FBXW7: variants seen among roughly 807,000 people sequenced by gnomAD.
The protein encoded by FBXW7 is F-box and WD repeat domain containing 7.
FBXW7 carries 11 observed loss-of-function variants against 86.3 expected under a neutral mutation model. That is an observed-to-expected ratio of 0.13 (90% CI 0.08 to 0.21). The LOEUF (loss-of-function observed/expected upper bound fraction) is 0.21, where lower values mean the gene tolerates loss of function less well. FBXW7 is among the 10% of genes least tolerant of loss of function. The probability of loss-of-function intolerance (pLI) is 1.00; values close to 1 mark genes in which losing one functional copy is unlikely to be tolerated. For missense variants in FBXW7, 488 were observed against 847.4 expected (o/e 0.58, Z 5.27); for synonymous variants, 313 against 297.9 (o/e 1.05, Z -0.52).
intron 2 of FBXW7, among the ~76,000 whole-genome samples, chr4:152,424,790 T>A (rs1010170545): frequency 6.6e-6 from 1 of 152,234 alleles, no homozygotes; most frequent in Admixed American, 6.5e-5. Context: ...TAGAGTCAGC[T>A]AGTTATTAGG....
intron 4 of FBXW7, among the ~76,000 whole-genome samples, chr4:152,371,001 T>TAC (rs1388732769): frequency 1.3e-5 from 2 of 151,634 alleles, no homozygotes; most frequent in Non-Finnish European, 1.5e-5. Flanking sequence ...ACACTATATA[T>TAC]ACAAATAAAG....
At chr4:152,468,313 A>G (rs1260482903) in intron 2 of FBXW7, among the ~76,000 whole-genome samples, 1 of 152,160 alleles carries the variant, frequency 6.6e-6, no homozygotes, top group Non-Finnish European at 1.5e-5. Flanking sequence ...CACAAAACTT[A>G]TATAAGAATG....
chr4:152,335,537 T>C (rs1183586963), intron 7 of FBXW7, among the ~76,000 whole-genome samples: 1 of 152,234 alleles, frequency 6.6e-6, no homozygotes, highest in Non-Finnish European at 1.5e-5. Context: ...AATGCAGTTT[T>C]CTATTCATTT....
chr4:152,527,616 T>C (rs1283612973), intron 2 of FBXW7, among the ~76,000 whole-genome samples: 1 of 151,928 alleles, frequency 6.6e-6, no homozygotes, highest in East Asian at 1.9e-4. Flanking sequence ...AGAATTTTTT[T>C]TTTAAATTTG....
chr4:152,445,991 G>T (rs1741359200), intron 2 of FBXW7, among the ~76,000 whole-genome samples: 1 of 142,948 alleles, frequency 7.0e-6, no homozygotes, highest in Non-Finnish European at 1.5e-5. Flanking sequence ...TTCAATCAAT[G>T]AACCTACAAA....
chr4:152,339,339 G>A (rs925712654), intron 6 of FBXW7, among the ~76,000 whole-genome samples: 8 of 152,102 alleles, frequency 5.3e-5, no homozygotes, highest in Admixed American at 4.6e-4. Context: ...ATGTACACAC[G>A]TGACCAATTA....
At chr4:152,473,091 T>C (rs985864339) in intron 2 of FBXW7, among the ~76,000 whole-genome samples, 2 of 152,114 alleles carry the variant, frequency 1.3e-5, no homozygotes, top group African/African-American at 4.8e-5. Flanking sequence ...ATACATCTTT[T>C]TACTTAGCTG....
At chr4:152,408,529 ATTACT>A (rs960391845) in intron 4 of FBXW7, among the ~76,000 whole-genome samples, 1 of 152,178 alleles carries the variant, frequency 6.6e-6, no homozygotes, top group African/African-American at 2.4e-5. Flanking sequence ...TTTGTTCCTG[ATTACT>A]TTAGCCTTGA....
At chr4:152,521,457 G>A (rs1749005316) in intron 2 of FBXW7, among the ~76,000 whole-genome samples, 1 of 152,320 alleles carries the variant, frequency 6.6e-6, no homozygotes, top group African/African-American at 2.4e-5. Flanking sequence ...CATACATGCT[G>A]TATATACATG....
intron 6 of FBXW7, among the ~76,000 whole-genome samples, chr4:152,340,921 A>T (rs1296841837): frequency 6.6e-6 from 1 of 152,302 alleles, no homozygotes; most frequent in East Asian, 1.9e-4. Flanking sequence ...ACTCAGGCCA[A>T]GAAGTCTTTG....
At chr4:152,371,583 GA>G (rs1273886281) in intron 4 of FBXW7, among the ~76,000 whole-genome samples, 2 of 151,892 alleles carry the variant, frequency 1.3e-5, no homozygotes, top group Admixed American at 6.6e-5. Flanking sequence ...GTATACATAT[GA>G]AAAAACTATA....
chr4:152,490,017 A>C (rs923974477), intron 2 of FBXW7, among the ~76,000 whole-genome samples: 1 of 152,212 alleles, frequency 6.6e-6, no homozygotes. Context: ...AAATGGAACT[A>C]GAAGTCGCTA....
chr4:152,478,893 T>C (rs1744643159), intron 2 of FBXW7, among the ~76,000 whole-genome samples: 1 of 152,146 alleles, frequency 6.6e-6, no homozygotes, highest in South Asian at 2.1e-4. Flanking sequence ...CATTTTTGAA[T>C]TAGGTTTTTG....
intron 2 of FBXW7, among the ~76,000 whole-genome samples, chr4:152,478,224 C>A (rs1045497786): frequency 1.3e-5 from 2 of 152,064 alleles, no homozygotes; most frequent in South Asian, 4.1e-4. Flanking sequence ...ATTAAGCAAA[C>A]TTCTCATTCC....
chr4:152,475,309 C>G (rs1279959367), intron 2 of FBXW7, among the ~76,000 whole-genome samples: 2 of 151,936 alleles, frequency 1.3e-5, no homozygotes, highest in Admixed American at 1.3e-4. Flanking sequence ...TGCCTGTAAT[C>G]CCAGCTACTC....
intron 4 of FBXW7, chr4:152,382,146 C>A: frequency 2.1e-6 from 3 of 1,424,834 alleles, no homozygotes; most frequent in East Asian, 2.4e-5. Flanking sequence ...CAAGGTACTT[C>A]ACTTAAATAA....
At chr4:152,495,938 A>T (rs1215611327) in intron 2 of FBXW7, among the ~76,000 whole-genome samples, 1 of 152,204 alleles carries the variant, frequency 6.6e-6, no homozygotes, top group Non-Finnish European at 1.5e-5. Context: ...GCACTCTGGG[A>T]AGCCAAGGCA....
At chr4:152,450,352 T>G (rs538715553) in intron 2 of FBXW7, among the ~76,000 whole-genome samples, 214 of 152,346 alleles carry the variant, frequency 1.4e-3, no homozygotes, top group Admixed American at 4.1e-3. Flanking sequence ...TGCCAAGAAC[T>G]CTGCTTTTCC....
chr4:152,347,114 AAAAAC>A (rs762739579), intron 5 of FBXW7, 43 bp from the exon 6 acceptor site: 1 of 1,555,210 alleles, frequency 6.4e-7, no homozygotes, highest in East Asian at 2.2e-5. Flanking sequence ...ATAAAAGGAA[AAAAAC>A]AAAAGTGAAA....
Sources: gnomAD v4.1 joint callset for allele counts (sites outside exome capture counted in the v4.1 genomes callset) on GRCh38, gnomAD v4.1.1 for gene constraint, MANE v1.5 for transcripts, NCBI Gene and HGNC (gene_info 2026-07-23, HGNC 2026-07-21) for gene names.